Variants in DCHS2 observed in about 807,000 individuals in gnomAD.
DCHS2 encodes dachsous cadherin-related 2.
Under a neutral mutation model 182.4 loss-of-function variants are expected in DCHS2, and 142 were observed. The ratio of observed to expected loss-of-function variants is 0.78; its 90% confidence interval spans 0.68 to 0.89. The LOEUF is 0.89. Ranked by LOEUF, DCHS2 falls within the 40% of genes least tolerant of loss-of-function variation. The pLI, the probability that DCHS2 is intolerant of heterozygous loss-of-function variation, is 0.00. For missense variants in DCHS2, 4,319 were observed against 4,198.6 expected, an observed-to-expected ratio of 1.03 and a Z score of -0.79; for synonymous variants, 1,740 against 1,663.3, an observed-to-expected ratio of 1.05 and a Z score of -1.12.
At chr4:154,275,828 G>A (rs1733830721) in intron 13 of DCHS2, among the ~76,000 whole-genome samples, 1 of 152,048 alleles carries the variant, frequency 6.6e-6, no homozygotes, top group Admixed American at 6.6e-5. Context: ...AAAGAATAAA[G>A]ATGAGTACAG....
chr4:154,449,682 T>G (rs970596251), intron 1 of DCHS2, among the ~76,000 whole-genome samples: 2 of 152,188 alleles, frequency 1.3e-5, no homozygotes, highest in African/African-American at 4.8e-5. Flanking sequence ...CAATCTTTAT[T>G]TTCTCTCAAA....
At chr4:154,398,907 A>C (rs915414643) in intron 1 of DCHS2, among the ~76,000 whole-genome samples, 1 of 152,232 alleles carries the variant, frequency 6.6e-6, no homozygotes, top group Non-Finnish European at 1.5e-5. Flanking sequence ...CAGAGGCTTT[A>C]AAAGGACAGT....
At chr4:154,408,010 G>A (rs1433220209) in intron 1 of DCHS2, among the ~76,000 whole-genome samples, 2 of 151,408 alleles carry the variant, frequency 1.3e-5, no homozygotes, top group African/African-American at 4.9e-5. Flanking sequence ...CCCTCAGACT[G>A]CCCATGTCAT....
intron 1 of DCHS2, among the ~76,000 whole-genome samples, chr4:154,444,263 G>A (rs763726721): frequency 3.3e-5 from 5 of 152,088 alleles, no homozygotes; most frequent in Non-Finnish European, 5.9e-5. Context: ...ATATTCAGAT[G>A]TATATATCCA....
intron 1 of DCHS2, among the ~76,000 whole-genome samples, chr4:154,427,288 A>G (rs1295745135): frequency 6.6e-6 from 1 of 151,982 alleles, no homozygotes; most frequent in Non-Finnish European, 1.5e-5. Flanking sequence ...TAACTGGTGT[A>G]TAAATAGACT....
chr4:154,372,507 G>C (rs1211655389), intron 2 of DCHS2, among the ~76,000 whole-genome samples: 2 of 152,110 alleles, frequency 1.3e-5, no homozygotes, highest in Non-Finnish European at 2.9e-5. Context: ...GTGAGATGGA[G>C]TTGAAATAGC....
At chr4:154,463,174 TAC>T (rs59327032) in intron 1 of DCHS2, among the ~76,000 whole-genome samples, 24 of 148,224 alleles carry the variant, frequency 1.6e-4, no homozygotes, top group African/African-American at 5.2e-4. Flanking sequence ...TATATATATA[TAC>T]ACACACACAC....
At chr4:154,346,116 A>G (rs917379836) in intron 3 of DCHS2, among the ~76,000 whole-genome samples, 11 of 152,220 alleles carry the variant, frequency 7.2e-5, no homozygotes, top group Non-Finnish European at 1.2e-4. Context: ...CTTTATCTAA[A>G]CATAATTAGC....
At chr4:154,314,949 G>C (rs1735801245) in intron 10 of DCHS2, among the ~76,000 whole-genome samples, 1 of 152,102 alleles carries the variant, frequency 6.6e-6, no homozygotes. Context: ...TGTAATTTTT[G>C]TAATTATTTT....
chr4:154,306,802 A>G (rs72956051), intron 10 of DCHS2, among the ~76,000 whole-genome samples: 3,414 of 152,172 alleles, frequency 0.022, 124 homozygotes, highest in African/African-American at 0.078. Flanking sequence ...TACATTTTTA[A>G]TTCTCACCAC....
rs1731439408 is a variant in DCHS2 at position 154,235,652 on chromosome 4, G to T, written c.9000C>A (p.Val3000=). ...FASSFSISLV[V]SFLVFLILIC... ...TGAGTATCAGAAACACTAAAAAGGA[G>T]ACCACCAGGCTGATTGAAAAGCTGC... Residue 3000 remains valine, a synonymous_variant, in exon 20 of 20, where the codon GTC becomes GTA. Coordinates refer to ENST00000357232, the MANE Select transcript of DCHS2 (RefSeq NM_001358235.2). 1 of 1,613,718 alleles carries T rather than the reference G, an allele frequency of 6.2e-7. No individual in the cohort carries two copies. The highest frequency in any genetic ancestry group is 1.7e-5 in the Admixed American group (1 of 59,956).
chr4:154,335,984 C>G (rs1159575991), intron 3 of DCHS2, among the ~76,000 whole-genome samples: 1 of 152,152 alleles, frequency 6.6e-6, no homozygotes, highest in Non-Finnish European at 1.5e-5. Flanking sequence ...GTGATTACAA[C>G]CTGCTCAAGT....
In DCHS2 at chr4:154,377,248, C is replaced by T. The variant is rs750173284; in HGVS notation, c.2244+5G>A. On this transcript the variant is annotated splice_donor_5th_base_variant and intron_variant, in intron 2 of 19. Coordinates refer to ENST00000357232, the MANE Select transcript of DCHS2 (RefSeq NM_001358235.2). ...TTAAAATAAACTTCATACATAAAAA[C>T]TTACCCCATCCTTAGCTTCCACCAG... The T allele has an allele frequency of 1.9e-6, 3 of 1,612,348 alleles. No individual in the cohort carries two copies. Among genetic ancestry groups the T allele is most frequent in the South Asian group, 2.2e-5 (2 of 90,898 alleles).
intron 1 of DCHS2, among the ~76,000 whole-genome samples, chr4:154,416,816 C>T (rs903168834): frequency 6.6e-6 from 1 of 152,190 alleles, no homozygotes; most frequent in African/African-American, 2.4e-5. Context: ...TGCTCCAGCT[C>T]CTCGCTGCAC....
chr4:154,260,821 G>T (rs1486467467), intron 14 of DCHS2, among the ~76,000 whole-genome samples: 1 of 152,108 alleles, frequency 6.6e-6, no homozygotes, highest in African/African-American at 2.4e-5. Context: ...GTCTGGCTCA[G>T]GGTCTGGCCT....
intron 1 of DCHS2, among the ~76,000 whole-genome samples, chr4:154,410,574 CAAAAAAAAAAAAAA>C (rs1160670540): frequency 5.7e-5 from 2 of 35,364 alleles, no homozygotes; most frequent in Admixed American, 4.9e-4. Context: ...GACTCCATCT[CAAAAAAAAAAAAAA>C]AAAAAAAAAA....
chr4:154,379,975 G>A (rs1210282916), intron 1 of DCHS2, among the ~76,000 whole-genome samples: 4 of 152,048 alleles, frequency 2.6e-5, no homozygotes, highest in East Asian at 1.9e-4. Flanking sequence ...CTGGGGAAGG[G>A]TTTCTACTTT....
chr4:154,428,945 C>T (rs1457113211), intron 1 of DCHS2, among the ~76,000 whole-genome samples: 3 of 148,340 alleles, frequency 2.0e-5, no homozygotes, highest in South Asian at 2.2e-4. Flanking sequence ...AAAGGCAAAG[C>T]TACTGATAGA....
At chr4:154,340,014 A>G (rs1209672078) in intron 3 of DCHS2, among the ~76,000 whole-genome samples, 1 of 152,178 alleles carries the variant, frequency 6.6e-6, no homozygotes, top group African/African-American at 2.4e-5. Context: ...TTTAATAATT[A>G]TATGTTAACT....
Sources: allele counts gnomAD v4.1 joint callset (sites outside exome capture counted in the v4.1 genomes callset), GRCh38; gene constraint gnomAD v4.1.1; transcripts MANE v1.5; gene names NCBI Gene and HGNC (gene_info 2026-07-23, HGNC 2026-07-21).